GARNL3: variants seen among roughly 807,000 people sequenced by gnomAD.
GARNL3 encodes the protein GTPase-activating Rap/Ran-GAP domain-like protein 3.
Under a neutral mutation model 125.0 loss-of-function variants are expected in GARNL3, and 63 were observed. The ratio of observed to expected loss-of-function variants is 0.50; its 90% CI spans 0.41 to 0.62. The LOEUF (loss-of-function observed/expected upper bound fraction) is 0.62, where lower values mean the gene tolerates loss of function less well. Ranked by LOEUF, GARNL3 falls within the 20% of genes least tolerant of loss-of-function variation. The pLI is 0.00. For synonymous variants in GARNL3, 439 were observed against 457.5 expected, an observed-to-expected ratio of 0.96 and a Z score of 0.52; for missense variants, 994 against 1,244.0, an observed-to-expected ratio of 0.80 and a Z score of 3.02.
rs757079882 is a variant in GARNL3 at position 127,353,875 on chromosome 9, A to G, written c.1573A>G (p.Arg525Gly). The change falls in exon 18 of 28, where the codon AGA (arginine) becomes GGA (glycine). Residue 525 changes from arginine to glycine, a missense_variant. Around this residue, in one of 5 missense-constraint regions of GARNL3, gnomAD observed 728 missense variants for 865.7 expected, o/e 0.84. Transcript: ENST00000373387. ...CCTTCCATCAGTGCCCGTGTTTGACAGAACTCTGCCAGTGAAGCAAATGCA... is the reference window on the plus strand; with the variant it reads ...CCTTCCATCAGTGCCCGTGTTTGACGGAACTCTGCCAGTGAAGCAAATGCA... ...DDLPSVPVFD[R>G]TLPVKQMHVL... is the part of the protein sequence containing the mutation. The G allele has an allele frequency of 7.0e-5, 113 of 1,613,692 alleles. 4 individuals are homozygous for G. The South Asian group carries it at 1.0e-3, about 15-fold the overall frequency.
At chr9:127,316,852 T>C (rs960190100) in intron 4 of GARNL3, among the ~76,000 whole-genome samples, 6 of 152,236 alleles carry the variant, frequency 3.9e-5, no homozygotes, top group Non-Finnish European at 7.3e-5. Context: ...TCCTCTCCCT[T>C]GCCATTGTTC....
chr9:127,283,870 A>C (rs1482138531), intron 1 of GARNL3, among the ~76,000 whole-genome samples: 1 of 152,140 alleles, frequency 6.6e-6, no homozygotes, highest in Non-Finnish European at 1.5e-5. Context: ...TCAGAATCTG[A>C]GTATTTGGTG....
intron 2 of GARNL3, among the ~76,000 whole-genome samples, chr9:127,307,877 C>T (rs985659519): frequency 1.3e-5 from 2 of 152,138 alleles, no homozygotes; most frequent in African/African-American, 4.8e-5. Context: ...GATCCAAGGC[C>T]TTGGGACCAT....
chr9:127,258,296 G>T (rs184895373), intron 2 of GARNL3, among the ~76,000 whole-genome samples: 1 of 152,068 alleles, frequency 6.6e-6, no homozygotes, highest in African/African-American at 2.4e-5. Context: ...TTCCTACTTC[G>T]TATGTCTCAA....
chr9:127,296,349 A>G (rs2131390705), intron 2 of GARNL3, among the ~76,000 whole-genome samples: 1 of 152,098 alleles, frequency 6.6e-6, no homozygotes, highest in Non-Finnish European at 1.5e-5. Flanking sequence ...TGGAGCTTCA[A>G]TACCTTCTCC....
intron 22 of GARNL3, chr9:127,366,808 G>A (rs1315808487): frequency 6.6e-6 from 1 of 152,242 alleles, no homozygotes; most frequent in Admixed American, 6.5e-5. Flanking sequence ...TCCTCACTCA[G>A]CGGCTCCTGC....
At chr9:127,235,380 G>C (rs1198058367) in intron 1 of GARNL3, among the ~76,000 whole-genome samples, 1 of 151,894 alleles carries the variant, frequency 6.6e-6, no homozygotes, top group Non-Finnish European at 1.5e-5. Flanking sequence ...GTTATTTAAT[G>C]TAACTGTGAA....
intron 2 of GARNL3, among the ~76,000 whole-genome samples, chr9:127,252,564 T>C (rs2131213353): frequency 6.6e-6 from 1 of 152,360 alleles, no homozygotes; most frequent in East Asian, 1.9e-4. Flanking sequence ...CTGAGGTCCA[T>C]GAAGGCGATG....
At chr9:127,320,890 C>A in intron 6 of GARNL3, 112 bp downstream of exon 6, 1 of 698,092 alleles carries the variant, frequency 1.4e-6, no homozygotes, top group Non-Finnish European at 2.5e-6. Context: ...ATCACCTATG[C>A]AACTTTAAAA....
intron 1 of GARNL3, among the ~76,000 whole-genome samples, chr9:127,241,484 A>G (rs2063203272): frequency 6.6e-6 from 1 of 151,166 alleles, no homozygotes; most frequent in African/African-American, 2.4e-5. Context: ...GGGTGACTTG[A>G]GCCTTTGATG....
At chr9:127,292,179 CT>C (rs1273725496) in intron 2 of GARNL3, among the ~76,000 whole-genome samples, 20 of 152,318 alleles carry the variant, frequency 1.3e-4, no homozygotes, top group African/African-American at 4.3e-4. Context: ...CATGTTTTCA[CT>C]CTTGGCCTTA....
rs756039515 is a variant in GARNL3, at chr9:127,385,066, C to G, written c.2309C>G (p.Ser770Cys). ...FPYLLAFTTD[S>C]MEIRLVVNGN... ...TATCTCCTGGCCTTCACCACCGACTCCATGGAGATCCGCCTGGTGGTGAAC... is the reference window on the plus strand; with the variant it reads ...TATCTCCTGGCCTTCACCACCGACTGCATGGAGATCCGCCTGGTGGTGAAC... The change falls in exon 24 of 28, where the codon TCC (serine) becomes TGC (cysteine). Residue 770 changes from serine (S) to cysteine (C), a missense_variant. By Grantham distance (112) the Ser-to-Cys change is moderately radical (BLOSUM62 -1). Transcript: ENST00000373387. The surrounding 1 kb of genome is among the most constrained non-coding windows in gnomAD (Gnocchi z 4.1). 6.2e-7 allele frequency: 1 copy of G among 1,612,664 alleles called. No individual in the cohort carries two copies. The highest frequency in any genetic ancestry group is 1.1e-5 in the South Asian group (1 of 90,744).
chr9:127,306,546 T>C (rs2064959793), intron 2 of GARNL3, among the ~76,000 whole-genome samples: 1 of 152,022 alleles, frequency 6.6e-6, no homozygotes. Flanking sequence ...GCTAACACGG[T>C]GAAACCCCGT....
At chr9:127,388,859 C>A (rs1409167668) in intron 25 of GARNL3, 45 bp from the exon 26 acceptor site, 2 of 1,113,602 alleles carry the variant, frequency 1.8e-6, no homozygotes, top group Non-Finnish European at 2.8e-6. Context: ...AAATAATGTG[C>A]ACTTTTCTTA....
chr9:127,292,898 AG>A lies in GARNL3; in HGVS notation c.219+1657del, dbSNP rs537560349. 7.2e-5 allele frequency among the ~76,000 whole-genome samples: 11 copies of A among 152,338 alleles called. No individual in the cohort carries two copies. In the South Asian group the frequency reaches 1.9e-3, roughly 26 times the overall value. ...ACTCACCAGCAATGTGGCCTTGGGC[AG>A]TTCAGTTGACATCTTGGGAACAATT... is the stretch of plus-strand genomic sequence containing the variant. On this transcript the variant is annotated intron_variant, in intron 2 of 27. Coordinates refer to ENST00000373387, the MANE Select transcript of GARNL3 (RefSeq NM_032293.5).
At chr9:127,325,555 G>T (rs181514211) in intron 7 of GARNL3, among the ~76,000 whole-genome samples, 2 of 152,210 alleles carry the variant, frequency 1.3e-5, no homozygotes, top group African/African-American at 4.8e-5. Context: ...AATAGGCAAT[G>T]GAGTAAATAA....
intron 1 of GARNL3, among the ~76,000 whole-genome samples, chr9:127,270,411 A>G (rs1413871126): frequency 6.6e-6 from 1 of 152,220 alleles, no homozygotes; most frequent in Non-Finnish European, 1.5e-5. Context: ...ACAAGAACCT[A>G]TGTGATCCTT....
At chr9:127,297,672 A>T (rs2064644848) in intron 2 of GARNL3, among the ~76,000 whole-genome samples, 1 of 152,230 alleles carries the variant, frequency 6.6e-6, no homozygotes, top group Non-Finnish European at 1.5e-5. Context: ...ATCTTGATGG[A>T]TAAATTTGCT....
At chr9:127,388,880 G>A (rs762782221) in intron 25 of GARNL3, 24 bp from the exon 26 acceptor site, 2 of 1,369,076 alleles carry the variant, frequency 1.5e-6, no homozygotes, top group South Asian at 1.2e-5. Context: ...AAGTTCTGAT[G>A]TTCTTTTTGA....
Sources: gnomAD v4.1 joint callset for allele counts (sites outside exome capture counted in the v4.1 genomes callset) on GRCh38, gnomAD v4.1.1 for gene constraint, gnomAD v4.1.1 regional missense constraint, Gnocchi (gnomAD v3.1) non-coding constraint, MANE v1.5 for transcripts, NCBI Gene and HGNC (gene_info 2026-07-23, HGNC 2026-07-21) for gene names.